GPCPD1: variants seen among roughly 807,000 people sequenced by gnomAD.
GPCPD1 encodes glycerophosphocholine phosphodiesterase GPCPD1.
Under a neutral mutation model 89.2 loss-of-function variants are expected in GPCPD1, and 29 were observed. That is an observed-to-expected ratio of 0.33 (90% confidence interval 0.24 to 0.44). The LOEUF is 0.44. Among genes scored for constraint, GPCPD1 ranks in the 20% least tolerant of loss-of-function variants. GPCPD1 has a pLI of 1.00. For missense variants in GPCPD1, 594 were observed against 808.9 expected, an observed-to-expected ratio of 0.73 and a Z score of 3.22; for synonymous variants, 258 against 266.3, an observed-to-expected ratio of 0.97 and a Z score of 0.30.
intron 5 of GPCPD1, chr20:5,584,872 AC>A (rs1385082010): frequency 1.3e-5 from 2 of 152,586 alleles, no homozygotes; most frequent in Non-Finnish European, 2.9e-5. Flanking sequence ...CCTTCTCCTA[AC>A]AGAAATTTCA....
intron 17 of GPCPD1, among the ~76,000 whole-genome samples, chr20:5,559,698 G>GTA (rs1434386280): frequency 6.6e-6 from 1 of 152,206 alleles, no homozygotes; most frequent in Non-Finnish European, 1.5e-5. Flanking sequence ...ATGGTAAGGA[G>GTA]TATATGACCT....
At chr20:5,576,826 CA>C (rs2122667304) in intron 8 of GPCPD1, among the ~76,000 whole-genome samples, 1 of 152,030 alleles carries the variant, frequency 6.6e-6, no homozygotes, top group South Asian at 2.1e-4. Context: ...AACACTATTA[CA>C]AAAAATGTTA....
At chr20:5,556,521 T>C (rs552053975) in intron 19 of GPCPD1, among the ~76,000 whole-genome samples, 1 of 152,250 alleles carries the variant, frequency 6.6e-6, no homozygotes, top group South Asian at 2.1e-4. Context: ...AACATTTATA[T>C]GCACTCGGAA....
intron 14 of GPCPD1, among the ~76,000 whole-genome samples, chr20:5,565,925 C>T (rs1176217384): frequency 9.2e-5 from 14 of 152,100 alleles, no homozygotes; most frequent in African/African-American, 2.4e-5. Flanking sequence ...TAAAAACACA[C>T]ATACAAAACC....
At chr20:5,560,914 A>G (rs555135006) in intron 16 of GPCPD1, among the ~76,000 whole-genome samples, 97 of 152,368 alleles carry the variant, frequency 6.4e-4, no homozygotes, top group Non-Finnish European at 1.3e-3. Flanking sequence ...CAACTGAAAT[A>G]TAAGTCCCAG....
chr20:5,566,669 G>T (rs1276548783), intron 14 of GPCPD1, 64 bp downstream of exon 14: 2 of 950,690 alleles, frequency 2.1e-6, no homozygotes, highest in South Asian at 1.3e-5. Flanking sequence ...TGCTAAAATC[G>T]ATTTTAAAAA....
chr20:5,597,131 A>G (rs1979787761), intron 3 of GPCPD1, among the ~76,000 whole-genome samples: 1 of 152,194 alleles, frequency 6.6e-6, no homozygotes, highest in Admixed American at 6.5e-5. Context: ...AAGAATATAT[A>G]CTATTAAAGT....
chr20:5,609,886 CTTAG>C (rs1291995465), intron 1 of GPCPD1, among the ~76,000 whole-genome samples: 1 of 148,588 alleles, frequency 6.7e-6, no homozygotes, highest in Non-Finnish European at 1.5e-5. Flanking sequence ...GTATTTATTT[CTTAG>C]TTAAGTCACA....
intron 3 of GPCPD1, among the ~76,000 whole-genome samples, chr20:5,595,811 G>C (rs1311417219): frequency 6.6e-6 from 1 of 151,502 alleles, no homozygotes; most frequent in Non-Finnish European, 1.5e-5. Context: ...AAAAAAGGGG[G>C]GGGGACAAAT....
intron 19 of GPCPD1, among the ~76,000 whole-genome samples, chr20:5,549,907 C>G (rs551966265): frequency 6.6e-6 from 1 of 151,972 alleles, no homozygotes; most frequent in East Asian, 1.9e-4. Flanking sequence ...AAAAACTCAA[C>G]AGAGGCCAGG....
chr20:5,568,968 C>A (rs1407022978), intron 12 of GPCPD1, among the ~76,000 whole-genome samples: 1 of 152,066 alleles, frequency 6.6e-6, no homozygotes, highest in East Asian at 1.9e-4. Flanking sequence ...CTAATAAGAT[C>A]ATTTATCACT....
chr20:5,562,937 G>C (rs1310213865), intron 15 of GPCPD1, among the ~76,000 whole-genome samples: 3 of 151,956 alleles, frequency 2.0e-5, no homozygotes, highest in Non-Finnish European at 4.4e-5. Flanking sequence ...TGCCAGAAAA[G>C]TGTCTATATA....
intron 7 of GPCPD1, 99 bp from the exon 8 acceptor site, chr20:5,578,710 T>C (rs1978311627): frequency 2.9e-6 from 2 of 694,974 alleles, no homozygotes; most frequent in Admixed American, 4.8e-5. Context: ...CCCCCAAATA[T>C]GCTAAATCTT....
chr20:5,559,251 A>G (rs1270776774), intron 17 of GPCPD1, among the ~76,000 whole-genome samples: 1 of 152,090 alleles, frequency 6.6e-6, no homozygotes, highest in Non-Finnish European at 1.5e-5. Context: ...ACAAAGAAAC[A>G]TATTCCCATT....
At chr20:5,578,668 CA>C in intron 7 of GPCPD1, 57 bp from the exon 8 acceptor site, 2 of 1,044,508 alleles carry the variant, frequency 1.9e-6, no homozygotes. Flanking sequence ...AAAACTCATA[CA>C]AATGTTGCCT....
rs537275624 is a variant in GPCPD1, at chr20:5,566,408, A to T, written c.1267+325T>A. 2.0e-5 allele frequency among the ~76,000 whole-genome samples: 3 copies of T among 152,322 alleles called. No homozygotes were observed. In the East Asian group the frequency reaches 5.8e-4, roughly 29 times the overall value. ...CCACGGTCATAACAGGTAAATGAAG[A>T]GCTGGTTCAAATTGACCCTGTAGCC... On this transcript the variant is annotated intron_variant, in intron 14 of 19. Transcript: ENST00000379019.
chr20:5,563,386 AT>A (rs1007666243), intron 15 of GPCPD1, among the ~76,000 whole-genome samples: 1 of 152,168 alleles, frequency 6.6e-6, no homozygotes, highest in Non-Finnish European at 1.5e-5. Flanking sequence ...ACAATTTAAA[AT>A]TTTTTTCCTG....
chr20:5,570,291 C>G, intron 11 of GPCPD1, 52 bp from the exon 12 acceptor site: 5 of 861,048 alleles, frequency 5.8e-6, no homozygotes, highest in South Asian at 1.5e-5. Flanking sequence ...CACAGTACCT[C>G]TCAAACTGCA....
chr20:5,558,482 G>A (rs1219781008), intron 18 of GPCPD1, among the ~76,000 whole-genome samples: 7 of 152,042 alleles, frequency 4.6e-5, no homozygotes, highest in Non-Finnish European at 7.4e-5. Context: ...AAAATTTAAC[G>A]TATGCCTATA....
Sources: gnomAD v4.1 joint callset for allele counts (sites outside exome capture counted in the v4.1 genomes callset) on GRCh38, gnomAD v4.1.1 for gene constraint, MANE v1.5 for transcripts, NCBI Gene and HGNC (gene_info 2026-07-23, HGNC 2026-07-21) for gene names.